TYW1B: variants seen among roughly 807,000 people sequenced by gnomAD.
The protein encoded by TYW1B is S-adenosyl-L-methionine-dependent tRNA 4-demethylwyosine synthase TYW1B.
A neutral mutation model predicts 86.9 loss-of-function variants in TYW1B; 73 were observed. The ratio of observed to expected loss-of-function variants is 0.84; its 90% CI spans 0.70 to 1.02. The LOEUF (loss-of-function observed/expected upper bound fraction) is 1.02. TYW1B is among the 50% of genes least tolerant of loss of function. The pLI, the probability that TYW1B is intolerant of heterozygous loss-of-function variation, is 0.00. For synonymous variants in TYW1B, 248 were observed against 292.8 expected (o/e 0.85, Z 1.56); for missense variants, 637 against 827.4 (o/e 0.77, Z 2.82).
chr7:72,654,240 A>C (rs1813145383), intron 11 of TYW1B, among the ~76,000 whole-genome samples: 1 of 152,202 alleles, frequency 6.6e-6, no homozygotes. Flanking sequence ...TTACTAATCA[A>C]AATCACAGAA....
rs372697072 is a variant in TYW1B at position 72,605,642 on chromosome 7, G to A, written c.1785+11030C>T. Among the ~76,000 whole-genome samples the A allele has an allele frequency of 1.2e-4, 19 of 152,146 alleles. 1 individual carries two copies. Among genetic ancestry groups the A allele is most frequent in the African/African-American group, 3.9e-4 (16 of 41,536 alleles). Reference sequence around the variant, plus strand: ...GCTGGGATTACAGGTGTGAGCCACCGTGCCTGGCCACATCTCTGCTTTTCA... The same window carrying A: ...GCTGGGATTACAGGTGTGAGCCACCATGCCTGGCCACATCTCTGCTTTTCA... On this transcript the variant is annotated intron_variant, in intron 13 of 13. Coordinates refer to ENST00000620995, the MANE Select transcript of TYW1B (RefSeq NM_001145440.3).
intron 12 of TYW1B, among the ~76,000 whole-genome samples, chr7:72,623,534 G>A (rs1812275045): frequency 6.6e-6 from 1 of 152,092 alleles, no homozygotes; most frequent in African/African-American, 2.4e-5. Context: ...TTTCATTGAA[G>A]GTGAAAGGGC....
chr7:72,732,415 G>C (rs1787129505), intron 8 of TYW1B, among the ~76,000 whole-genome samples: 1 of 152,128 alleles, frequency 6.6e-6, no homozygotes, highest in Non-Finnish European at 1.5e-5. Flanking sequence ...ATCCTATCAA[G>C]TATGTTTTTG....
chr7:72,818,043 G>C (rs1554479771), intron 2 of TYW1B, among the ~76,000 whole-genome samples: 1 of 149,688 alleles, frequency 6.7e-6, no homozygotes, highest in African/African-American at 2.5e-5. Flanking sequence ...CCTTGGTGTT[G>C]AGTTCTTGCC....
chr7:72,782,960 C>A (rs191808637), intron 6 of TYW1B, among the ~76,000 whole-genome samples: 1 of 152,300 alleles, frequency 6.6e-6, no homozygotes, highest in Non-Finnish European at 1.5e-5. Context: ...AGACCTGGAG[C>A]CATGCCAGCA....
At chr7:72,651,576 C>A (rs1193504665) in intron 11 of TYW1B, among the ~76,000 whole-genome samples, 1 of 152,158 alleles carries the variant, frequency 6.6e-6, no homozygotes, top group Non-Finnish European at 1.5e-5. Flanking sequence ...AATCGCATCA[C>A]TGCACTCCAG....
In TYW1B at chr7:72,807,127, C is replaced by G. The variant is rs1201954713; in HGVS notation, c.662G>C (p.Gly221Ala). ...AGATCCTTCCTCCCTCTCCTCTGAG[C>G]CATGTTGGTGAGATTCACATTTGCC... ...KKGKCESHQHGSEEREEGSQE... is the reference protein window; with the variant it reads ...KKGKCESHQHASEEREEGSQE... The change falls in exon 5 of 14, where the codon GGC becomes GCC. Residue 221 changes from glycine (G) to alanine (A), a missense_variant. Coordinates refer to ENST00000620995, the MANE Select transcript of TYW1B (RefSeq NM_001145440.3). The G allele has an allele frequency of 1.2e-6, 2 of 1,614,116 alleles. No homozygotes were observed. Among genetic ancestry groups the G allele is most frequent in the South Asian group, 2.2e-5 (2 of 91,068 alleles).
intron 10 of TYW1B, among the ~76,000 whole-genome samples, chr7:72,703,026 A>ATATT (rs1563064838): frequency 6.5e-4 from 23 of 35,172 alleles, no homozygotes; most frequent in South Asian, 3.4e-3. Context: ...ATATATATAT[A>ATATT]TTTTTTTTTT....
At chr7:72,693,225 T>C (rs1814216390) in intron 11 of TYW1B, among the ~76,000 whole-genome samples, 1 of 151,912 alleles carries the variant, frequency 6.6e-6, no homozygotes, top group Non-Finnish European at 1.5e-5. Flanking sequence ...AACCAGATGA[T>C]TACTTTAGGT....
At chr7:72,698,645 CAAAA>C (rs782639827) in intron 10 of TYW1B, among the ~76,000 whole-genome samples, 1 of 129,870 alleles carries the variant, frequency 7.7e-6, no homozygotes, top group Admixed American at 7.9e-5. Flanking sequence ...GACTCCATCT[CAAAA>C]AAAAAAAAAA....
intron 6 of TYW1B, among the ~76,000 whole-genome samples, chr7:72,797,871 T>C (rs1788332171): frequency 6.6e-6 from 1 of 152,068 alleles, no homozygotes; most frequent in South Asian, 2.1e-4. Flanking sequence ...GCCCTAAACA[T>C]GTCCAGTCAG....
intron 11 of TYW1B, among the ~76,000 whole-genome samples, chr7:72,650,744 T>C (rs1554442672): frequency 6.6e-6 from 1 of 152,060 alleles, no homozygotes; most frequent in Non-Finnish European, 1.5e-5. Flanking sequence ...GATGAGCCTG[T>C]AAACCAAAAT....
chr7:72,803,005 A>G (rs1788429443), intron 5 of TYW1B, among the ~76,000 whole-genome samples: 1 of 152,142 alleles, frequency 6.6e-6, no homozygotes, highest in Non-Finnish European at 1.5e-5. Context: ...TGAAGCCAAG[A>G]TGGGAGGACT....
intron 12 of TYW1B, among the ~76,000 whole-genome samples, chr7:72,627,541 T>A (rs1276858033): frequency 1.3e-5 from 2 of 151,920 alleles, no homozygotes; most frequent in African/African-American, 4.8e-5. Flanking sequence ...TAAAATGTCA[T>A]CTCAGAAAAG....
Position 72,807,160 on chromosome 7 carries a change from C to A in TYW1B, c.629G>T (p.Cys210Phe). 1 of 1,613,990 alleles carries A rather than the reference C, an allele frequency of 6.2e-7. No homozygotes were observed. ...GERKKSCGGH[C>F]KKGKCESHQH... ...GTGAGATTCACATTTGCCTTTCTTG[C>A]AGTGGCCGCCACAGGACTTCTTTCT... Residue 210 changes from cysteine (C) to phenylalanine (F), a missense_variant, in exon 5 of 14, where the codon TGC becomes TTC. Transcript: ENST00000620995.
intron 12 of TYW1B, among the ~76,000 whole-genome samples, chr7:72,619,438 G>A (rs1282390126): frequency 6.6e-6 from 1 of 151,672 alleles, no homozygotes; most frequent in Non-Finnish European, 1.5e-5. Context: ...TCAGGAGATC[G>A]AGACCATCCT....
rs782520278 is a variant in TYW1B at position 72,826,920 on chromosome 7, T to A, written c.70A>T (p.Ile24Phe). 6.2e-7 allele frequency: 1 copy of A among 1,613,796 alleles called. No individual in the cohort carries two copies. The highest frequency in any genetic ancestry group is 1.3e-5 in the African/African-American group (1 of 74,894). The change falls in exon 2 of 14, where the codon ATT (isoleucine) becomes TTT (phenylalanine). Residue 24 changes from isoleucine to phenylalanine, a missense_variant. Coordinates refer to ENST00000620995, the MANE Select transcript of TYW1B (RefSeq NM_001145440.3). Reference sequence around the variant, plus strand: ...ATGCTAACAGCAAAGCCCAGATAAATGTAAAACCTGTTTATCCATAATGAT... The same window carrying A: ...ATGCTAACAGCAAAGCCCAGATAAAAGTAAAACCTGTTTATCCATAATGAT... The part of the protein sequence containing the change: ...LISLWINRFY[I>F]YLGFAVSISL...
intron 7 of TYW1B, among the ~76,000 whole-genome samples, chr7:72,745,703 C>T (rs1267777862): frequency 1.3e-5 from 2 of 151,836 alleles, no homozygotes; most frequent in African/African-American, 4.8e-5. Context: ...CAATGTCATT[C>T]CCCACTGAGG....
chr7:72,680,390 T>C lies in TYW1B; in HGVS notation c.1506+14297A>G, dbSNP rs187089204. Reference sequence around the variant, plus strand: ...CTAGACTGGCTGAGTCTTCTGGCCTTCATCTTTCTCCCGTGCTGGATGCTT... The same window carrying C: ...CTAGACTGGCTGAGTCTTCTGGCCTCCATCTTTCTCCCGTGCTGGATGCTT... On this transcript the variant is annotated intron_variant, in intron 11 of 13. Transcript: ENST00000620995. Among the ~76,000 whole-genome samples the C allele has an allele frequency of 3.0e-4, 45 of 152,182 alleles. No homozygotes were observed. The East Asian group carries it at 8.3e-3, about 28-fold the overall frequency.
Sources: allele counts gnomAD v4.1 joint callset (sites outside exome capture counted in the v4.1 genomes callset), GRCh38; gene constraint gnomAD v4.1.1; transcripts MANE v1.5; gene names NCBI Gene and HGNC (gene_info 2026-07-23, HGNC 2026-07-21).